Variants in RBPJ observed in about 807,000 individuals in gnomAD.
RBPJ encodes recombining binding protein suppressor of hairless.
In RBPJ, 9 loss-of-function variants were observed where a neutral mutation model predicts 67.8. The ratio of observed to expected loss-of-function variants is 0.13; its 90% CI spans 0.08 to 0.23. The LOEUF (loss-of-function observed/expected upper bound fraction) is 0.23, where lower values mean the gene tolerates loss of function less well. RBPJ is among the 10% of genes least tolerant of loss of function. RBPJ has a pLI of 1.00. For synonymous variants in RBPJ, 198 were observed against 203.3 expected, an observed-to-expected ratio of 0.97 and a Z score of 0.22; for missense variants, 305 against 595.6, an observed-to-expected ratio of 0.51 and a Z score of 5.08.
the RBPJ span, among the ~76,000 whole-genome samples, chr4:26,135,610 C>T: frequency 4.0e-3 from 608 of 152,168 alleles, 4 homozygotes; most frequent in African/African-American, 0.014. Context: ...CCTGCCTCCT[C>T]GGAGCTTCTA....
the RBPJ span, among the ~76,000 whole-genome samples, chr4:26,153,609 G>C: frequency 6.6e-6 from 1 of 152,164 alleles, no homozygotes; most frequent in Non-Finnish European, 1.5e-5. Flanking sequence ...AGTAACAGTG[G>C]TTTTTGTCTT....
chr4:26,235,032 G>GA (rs1719411890), intron 1 of RBPJ, among the ~76,000 whole-genome samples: 1 of 152,078 alleles, frequency 6.6e-6, no homozygotes, highest in South Asian at 2.1e-4. Context: ...ATCCACTGCT[G>GA]AATAAAGCCT....
intron 2 of RBPJ, among the ~76,000 whole-genome samples, chr4:26,390,711 TG>T (rs1489962411): frequency 2.6e-5 from 4 of 152,294 alleles, no homozygotes; most frequent in African/African-American, 9.6e-5. Flanking sequence ...CAAACATTAC[TG>T]GGAGAACTTG....
rs1375190076 is a variant in RBPJ at position 26,433,862 on chromosome 4, G to C, written c.*2855G>C. ...CTCCAGTGATGGCATTATTAGACAT[G>C]CTGGTCATTTACCCTCAGAAAGACT... On this transcript the variant is annotated 3_prime_UTR_variant, in exon 11 of 11. Coordinates refer to ENST00000355476, the MANE Select transcript of RBPJ (RefSeq NM_015874.6). The C allele has an allele frequency of 6.6e-6, 1 of 152,138 alleles. No individual in the cohort carries two copies. The highest frequency in any genetic ancestry group is 1.5e-5 in the Non-Finnish European group (1 of 68,014). The allele number at this position is 152,138 out of a possible 1,614,324, so 9.4% of individuals were successfully genotyped here.
At chr4:26,219,876 T>C (rs529506263) in intron 1 of RBPJ, among the ~76,000 whole-genome samples, 11 of 151,950 alleles carry the variant, frequency 7.2e-5, no homozygotes, top group Middle Eastern at 3.4e-3. Context: ...GCCGGGTTCA[T>C]GCCATTCTCC....
chr4:26,119,075 A>G, the RBPJ span, among the ~76,000 whole-genome samples: 1 of 152,234 alleles, frequency 6.6e-6, no homozygotes, highest in African/African-American at 2.4e-5. Context: ...CAGTTTCACA[A>G]TCAGTAAAAT....
chr4:26,202,438 C>G (rs1283173301), intron 1 of RBPJ, among the ~76,000 whole-genome samples: 3 of 151,994 alleles, frequency 2.0e-5, no homozygotes, highest in African/African-American at 7.2e-5. Flanking sequence ...AAAACCTGAT[C>G]TTTCCTTCCC....
chr4:26,425,695 C>T (rs1735582043), intron 7 of RBPJ, among the ~76,000 whole-genome samples: 1 of 152,132 alleles, frequency 6.6e-6, no homozygotes, highest in East Asian at 1.9e-4. Flanking sequence ...GTGCCACCAC[C>T]CTCCCAATTT....
intron 1 of RBPJ, among the ~76,000 whole-genome samples, chr4:26,246,915 AG>A (rs967654090): frequency 1.4e-4 from 22 of 151,860 alleles, no homozygotes; most frequent in Non-Finnish European, 2.8e-4. Context: ...TCTCATTCAT[AG>A]AAGAGTAGTT....
chr4:26,322,273 G>A (rs760527908), intron 1 of RBPJ: 4 of 152,170 alleles, frequency 2.6e-5, no homozygotes, highest in Non-Finnish European at 5.9e-5. Flanking sequence ...GTTTCAGATA[G>A]CCACAATGGA....
At chr4:26,425,814 C>T (rs1307446159) in intron 7 of RBPJ, among the ~76,000 whole-genome samples, 1 of 152,110 alleles carries the variant, frequency 6.6e-6, no homozygotes, top group Non-Finnish European at 1.5e-5. Flanking sequence ...AGTAGAAGAA[C>T]ATTTAGTATT....
At chr4:26,334,395 T>C (rs942054677) in intron 1 of RBPJ, among the ~76,000 whole-genome samples, 10 of 152,056 alleles carry the variant, frequency 6.6e-5, no homozygotes, top group African/African-American at 2.4e-4. Context: ...CTTTTTTGCC[T>C]ACAGACCAAT....
chr4:26,306,030 C>T (rs1722227702), intron 1 of RBPJ, among the ~76,000 whole-genome samples: 2 of 81,718 alleles, frequency 2.4e-5, no homozygotes, highest in Admixed American at 1.4e-4. Context: ...AGGTGATCCA[C>T]CCACCTAGCC....
At chr4:26,153,021 C>T in the RBPJ span, among the ~76,000 whole-genome samples, 44 of 152,156 alleles carry the variant, frequency 2.9e-4, no homozygotes, top group African/African-American at 6.5e-4. Context: ...GCGGATGGCA[C>T]CCAAGTCTAA....
At chr4:26,150,487 G>A in the RBPJ span, among the ~76,000 whole-genome samples, 1 of 152,336 alleles carries the variant, frequency 6.6e-6, no homozygotes, top group Non-Finnish European at 1.5e-5. Context: ...CTTACAGTGT[G>A]TTGGGCGCTG....
In RBPJ at chr4:26,264,300, GTAAT is replaced by G. The variant is rs550813968; in HGVS notation, c.-166-98139_-166-98136del. ...TGAATACTTATTAATTCAGATCTTA[GTAAT>G]TAATTATTATTAATACTTATTAATT... On this transcript the variant is annotated intron_variant, in intron 1 of 4. Transcript: ENST00000512351. This position sits in a 1 kb window ranked among gnomAD's most constrained non-coding sequence, Gnocchi z 4.1. Among the ~76,000 whole-genome samples the G allele has an allele frequency of 3.2e-4, 49 of 152,180 alleles. No homozygotes were observed. Among genetic ancestry groups the G allele is most frequent in the African/African-American group, 1.1e-3 (44 of 41,516 alleles).
At chr4:26,380,387 C>G (rs941343638) in intron 1 of RBPJ, among the ~76,000 whole-genome samples, 1 of 151,934 alleles carries the variant, frequency 6.6e-6, no homozygotes, top group African/African-American at 2.4e-5. Context: ...TATAATTGTC[C>G]CCCTACTAGA....
intron 1 of RBPJ, among the ~76,000 whole-genome samples, chr4:26,207,888 T>G (rs1425772985): frequency 6.6e-6 from 1 of 152,170 alleles, no homozygotes; most frequent in East Asian, 1.9e-4. Flanking sequence ...AAGCTCATTT[T>G]GAGCAGAGAC....
In RBPJ at chr4:26,351,515, G is replaced by A. The variant is rs141565874; in HGVS notation, c.20+30467G>A. Among the ~76,000 whole-genome samples, 595 of 152,228 alleles carry A rather than the reference G, an allele frequency of 3.9e-3. 2 individuals carry two copies. Among genetic ancestry groups the A allele is most frequent in the Admixed American group, 8.0e-3 (122 of 15,284 alleles). Reference sequence around the variant, plus strand: ...CCCACCTCAGCTTCCCAAGTAGATGGGACTACAGGTGTGTGCCACCACACC... The same window carrying A: ...CCCACCTCAGCTTCCCAAGTAGATGAGACTACAGGTGTGTGCCACCACACC... On this transcript the variant is annotated intron_variant, in intron 1 of 10. Transcript: ENST00000355476.
Sources: allele counts gnomAD v4.1 joint callset (sites outside exome capture counted in the v4.1 genomes callset), GRCh38; gene constraint gnomAD v4.1.1; non-coding constraint Gnocchi (gnomAD v3.1); transcripts MANE v1.5; gene names NCBI Gene and HGNC (gene_info 2026-07-23, HGNC 2026-07-21).